Variants in CBL observed in about 807,000 individuals in gnomAD.
CBL encodes Cbl proto-oncogene, also known as E3 ubiquitin-protein ligase CBL.
Under a neutral mutation model 96.9 loss-of-function variants are expected in CBL, and 45 were observed. That is an observed-to-expected ratio of 0.46 (90% CI 0.37 to 0.60). The LOEUF (loss-of-function observed/expected upper bound fraction) is 0.60, where lower values mean the gene tolerates loss of function less well. Among genes scored for constraint, CBL ranks in the 20% least tolerant of loss-of-function variants. The probability of loss-of-function intolerance (pLI) is 0.00; values close to 1 mark genes in which losing one functional copy is unlikely to be tolerated. For synonymous variants in CBL, 420 were observed against 426.8 expected, an observed-to-expected ratio of 0.98 and a Z score of 0.20; for missense variants, 1,024 against 1,143.5, an observed-to-expected ratio of 0.90 and a Z score of 1.51.
chr11:119,235,452 A>G (rs1213620392), intron 2 of CBL, among the ~76,000 whole-genome samples: 2 of 152,182 alleles, frequency 1.3e-5, no homozygotes, highest in Non-Finnish European at 2.9e-5. Flanking sequence ...TAAAACATTT[A>G]TTATTCAGTA....
chr11:119,252,149 A>C (rs1592387025), intron 2 of CBL, among the ~76,000 whole-genome samples: 2 of 152,244 alleles, frequency 1.3e-5, no homozygotes, highest in Non-Finnish European at 2.9e-5. Flanking sequence ...AAAAAAAAAA[A>C]AACCTTTTGT....
chr11:119,258,772 T>A (rs1288465552), intron 2 of CBL, among the ~76,000 whole-genome samples: 1 of 152,212 alleles, frequency 6.6e-6, no homozygotes, highest in Non-Finnish European at 1.5e-5. Context: ...TCTTTTTTGG[T>A]TCCGTATGAA....
intron 6 of CBL, among the ~76,000 whole-genome samples, chr11:119,276,473 A>G (rs924780604): frequency 6.6e-6 from 1 of 152,224 alleles, no homozygotes; most frequent in Non-Finnish European, 1.5e-5. Context: ...TCGGCATTCA[A>G]GTGATTCAAT....
At chr11:119,240,203 G>A (rs902089379) in intron 2 of CBL, among the ~76,000 whole-genome samples, 13 of 151,992 alleles carry the variant, frequency 8.6e-5, no homozygotes, top group Admixed American at 7.9e-4. Flanking sequence ...GCTAAGGCAC[G>A]AGAATTGCTT....
At chr11:119,248,159 A>G (rs1322849370) in intron 2 of CBL, among the ~76,000 whole-genome samples, 1 of 152,216 alleles carries the variant, frequency 6.6e-6, no homozygotes, top group Admixed American at 6.5e-5. Context: ...AGGGACCTCA[A>G]ATAGCCAAAA....
At chr11:119,267,454 A>G (rs1446188593) in intron 2 of CBL, among the ~76,000 whole-genome samples, 1 of 151,950 alleles carries the variant, frequency 6.6e-6, no homozygotes, top group African/African-American at 2.4e-5. Flanking sequence ...TTTTCGGTAG[A>G]AAATTATTTT....
rs556609440 is a variant in CBL, at chr11:119,301,573, C to T, written c.*1792C>T. ...TTTGGAACTAAAACTTGTTCTAACTCGTCTCTTGGCATTCAGCTACTCCTA... is the reference window on the plus strand; with the variant it reads ...TTTGGAACTAAAACTTGTTCTAACTTGTCTCTTGGCATTCAGCTACTCCTA... On this transcript the variant is annotated 3_prime_UTR_variant, in exon 16 of 16. Coordinates refer to ENST00000264033, the MANE Select transcript of CBL (RefSeq NM_005188.4). 5.7e-4 allele frequency: 134 copies of T among 233,276 alleles called. No individual in the cohort carries two copies. Among genetic ancestry groups the T allele is most frequent in the African/African-American group, 2.6e-3 (120 of 45,458 alleles). The allele number at this position is 233,276 out of a possible 1,614,324, so 14.5% of individuals were successfully genotyped here. A position where few individuals can be genotyped will look rare whatever the true frequency, so the allele number is the denominator to read the frequency against.
intron 1 of CBL, among the ~76,000 whole-genome samples, chr11:119,225,885 G>A (rs560964817): frequency 1.3e-5 from 2 of 151,890 alleles, no homozygotes; most frequent in African/African-American, 4.8e-5. Flanking sequence ...GTGCCACCAC[G>A]CTTGGCTAAT....
At chr11:119,264,248 C>G (rs1426733477) in intron 2 of CBL, among the ~76,000 whole-genome samples, 2 of 152,130 alleles carry the variant, frequency 1.3e-5, no homozygotes, top group African/African-American at 4.8e-5. Context: ...TTTTTAGAGA[C>G]AGTCTTGCTA....
At chr11:119,211,398 G>A (rs1361504540) in intron 1 of CBL, among the ~76,000 whole-genome samples, 5 of 152,030 alleles carry the variant, frequency 3.3e-5, no homozygotes, top group African/African-American at 1.2e-4. Flanking sequence ...AAATCTTATT[G>A]TATGGTACTG....
At chr11:119,238,054 T>C (rs1460932893) in intron 2 of CBL, among the ~76,000 whole-genome samples, 2 of 151,462 alleles carry the variant, frequency 1.3e-5, no homozygotes, top group Non-Finnish European at 2.9e-5. Flanking sequence ...GCATTTTCAC[T>C]AGAGACGGGG....
intron 1 of CBL, among the ~76,000 whole-genome samples, chr11:119,213,317 C>T (rs977679235): frequency 1.3e-5 from 2 of 152,152 alleles, no homozygotes; most frequent in Non-Finnish European, 2.9e-5. Context: ...TTCTTACCTT[C>T]CTGTGTTTGT....
In CBL at chr11:119,296,984, G is replaced by A; in HGVS notation, c.2103G>A (p.Met701Ile). The change falls in exon 13 of 16, where the codon ATG becomes ATA. Residue 701 changes from methionine to isoleucine, a missense_variant. Transcript: ENST00000264033. ...QCEGEEDTEY[M>I]TPSSRPLRPL... ...AGGGTGAAGAGGACACAGAGTACATGACTCCCTCTTCCAGGCCTCTACGGC... is the reference window on the plus strand; with the variant it reads ...AGGGTGAAGAGGACACAGAGTACATAACTCCCTCTTCCAGGCCTCTACGGC... The A allele has an allele frequency of 6.2e-7, 1 of 1,612,628 alleles. No individual in the cohort carries two copies. The highest frequency in any genetic ancestry group is 8.5e-7 in the Non-Finnish European group (1 of 1,178,604).
At chr11:119,219,549 G>A (rs909475142) in intron 1 of CBL, among the ~76,000 whole-genome samples, 8 of 152,014 alleles carry the variant, frequency 5.3e-5, no homozygotes, top group African/African-American at 1.9e-4. Flanking sequence ...TATTATCCTT[G>A]GTTTGAGGCA....
chr11:119,295,782 G>A (rs1165752553), intron 12 of CBL, among the ~76,000 whole-genome samples: 1 of 152,070 alleles, frequency 6.6e-6, no homozygotes, highest in African/African-American at 2.4e-5. Flanking sequence ...AGATAGTAAA[G>A]GTGAAAGAAT....
At chr11:119,264,916 G>A (rs759228036) in intron 2 of CBL, among the ~76,000 whole-genome samples, 1 of 151,754 alleles carries the variant, frequency 6.6e-6, no homozygotes. Flanking sequence ...TTGCTTCGTC[G>A]CCTAGGCTGG....
At chr11:119,211,111 C>T (rs1949314687) in intron 1 of CBL, among the ~76,000 whole-genome samples, 1 of 152,174 alleles carries the variant, frequency 6.6e-6, no homozygotes, top group East Asian at 1.9e-4. Context: ...GTGGCTCATG[C>T]CTGTAATCCC....
intron 1 of CBL, among the ~76,000 whole-genome samples, chr11:119,209,268 G>A (rs1371440800): frequency 2.0e-5 from 3 of 152,154 alleles, no homozygotes; most frequent in Non-Finnish European, 4.4e-5. Flanking sequence ...TGTGCTATAA[G>A]TGGTGAAGAA....
chr11:119,273,722 A>T, intron 3 of CBL, 146 bp from the exon 4 acceptor site: 3 of 753,208 alleles, frequency 4.0e-6, no homozygotes, highest in Non-Finnish European at 6.6e-6. Flanking sequence ...TTCTTTTCTT[A>T]AAGAAGTTGA....
Sources: allele counts gnomAD v4.1 joint callset (sites outside exome capture counted in the v4.1 genomes callset), GRCh38; gene constraint gnomAD v4.1.1; transcripts MANE v1.5; gene names NCBI Gene and HGNC (gene_info 2026-07-23, HGNC 2026-07-21).